The following CARMIL1 variants were observed in gnomAD, a reference collection of about 807,000 sequenced individuals.
The protein encoded by CARMIL1 is F-actin-uncapping protein LRRC16A.
A neutral mutation model predicts 177.1 loss-of-function variants in CARMIL1; 90 were observed. That is an observed-to-expected ratio of 0.51 (90% CI 0.43 to 0.61). The LOEUF (loss-of-function observed/expected upper bound fraction) is 0.61, where lower values mean the gene tolerates loss of function less well. Ranked by LOEUF, CARMIL1 falls within the 20% of genes least tolerant of loss-of-function variation. CARMIL1 has a pLI of 0.00. For synonymous variants in CARMIL1, 577 were observed against 606.2 expected (o/e 0.95, Z 0.71); for missense variants, 1,380 against 1,667.0 (o/e 0.83, Z 3.00).
At chr6:25,435,332 G>A in intron 4 of CARMIL1, 151 bp from the exon 5 acceptor site, 1 of 728,866 alleles carries the variant, frequency 1.4e-6, no homozygotes, top group Non-Finnish European at 2.0e-6. Flanking sequence ...ACGTATGTGA[G>A]ATGTGCTACC....
intron 2 of CARMIL1, among the ~76,000 whole-genome samples, chr6:25,380,772 A>G (rs1232736972): frequency 6.6e-6 from 1 of 152,048 alleles, no homozygotes; most frequent in Non-Finnish European, 1.5e-5. Flanking sequence ...AGGTCATTGG[A>G]AATTTACAAA....
chr6:25,330,170 A>C (rs1475599000), intron 2 of CARMIL1, among the ~76,000 whole-genome samples: 3 of 152,194 alleles, frequency 2.0e-5, no homozygotes, highest in Non-Finnish European at 4.4e-5. Context: ...TGCAGACTTG[A>C]ACAGTACGGT....
At chr6:25,442,761 G>A (rs9467519) in intron 5 of CARMIL1, among the ~76,000 whole-genome samples, 4,920 of 152,130 alleles carry the variant, frequency 0.032, 186 homozygotes, top group African/African-American at 0.095. Flanking sequence ...TAAAGAAGCG[G>A]AGCTACTTGA....
intron 31 of CARMIL1, among the ~76,000 whole-genome samples, chr6:25,592,337 A>G (rs572438515): frequency 4.1e-4 from 63 of 152,382 alleles, no homozygotes; most frequent in Admixed American, 1.8e-3. Context: ...TATTACTGCT[A>G]TAGAGATTCT....
chr6:25,560,434 G>A (rs1024457170), intron 29 of CARMIL1, among the ~76,000 whole-genome samples: 7 of 151,878 alleles, frequency 4.6e-5, no homozygotes, highest in South Asian at 2.1e-4. Context: ...ACTGCAGGGC[G>A]GAAAATTAAA....
chr6:25,595,460 C>T (rs189679306), intron 32 of CARMIL1, among the ~76,000 whole-genome samples: 97 of 152,246 alleles, frequency 6.4e-4, no homozygotes, highest in African/African-American at 2.3e-3. Flanking sequence ...AATCTTATAA[C>T]CTTTAGGACC....
In CARMIL1 at chr6:25,600,266, C is replaced by T. The variant is rs541024022; in HGVS notation, c.3120-48C>T. 765 of 1,505,988 alleles carry T rather than the reference C, an allele frequency of 5.1e-4. 11 individuals are homozygous for T. The South Asian group carries it at 7.8e-3, about 15-fold the overall frequency. The allele number at this position is 1,505,988 out of a possible 1,614,324, so 93.3% of individuals were successfully genotyped here. A position where few individuals can be genotyped will look rare whatever the true frequency, so the allele number is the denominator to read the frequency against. ...ATATTTTGACTGATTCTTGCTGGAA[C>T]TTATTTACAGTAAAAACAACAGATC... On this transcript the variant is annotated intron_variant, in intron 32 of 36. Transcript: ENST00000329474.
chr6:25,366,077 G>A (rs1376663793), intron 2 of CARMIL1, among the ~76,000 whole-genome samples: 1 of 151,786 alleles, frequency 6.6e-6, no homozygotes, highest in Non-Finnish European at 1.5e-5. Flanking sequence ...CAGCTCCCTG[G>A]AACCTCGAAC....
intron 29 of CARMIL1, among the ~76,000 whole-genome samples, chr6:25,567,283 G>A (rs997610239): frequency 6.6e-6 from 1 of 152,146 alleles, no homozygotes; most frequent in Non-Finnish European, 1.5e-5. Context: ...TCGGTGGATA[G>A]TATCTTTATT....
intron 2 of CARMIL1, among the ~76,000 whole-genome samples, chr6:25,419,133 A>C (rs1460743142): frequency 6.6e-6 from 1 of 152,172 alleles, no homozygotes; most frequent in East Asian, 1.9e-4. Context: ...ACTTTGGGTA[A>C]GTCCTTTAAC....
chr6:25,294,360 A>C (rs935337567), intron 2 of CARMIL1, among the ~76,000 whole-genome samples: 4 of 152,180 alleles, frequency 2.6e-5, no homozygotes, highest in Non-Finnish European at 5.9e-5. Flanking sequence ...ACTCTGGGGA[A>C]ATTTATTGAG....
chr6:25,312,732 C>T (rs942857786), intron 2 of CARMIL1, among the ~76,000 whole-genome samples: 1 of 151,058 alleles, frequency 6.6e-6, no homozygotes, highest in African/African-American at 2.4e-5. Context: ...CCATCCCCCC[C>T]ACTTTCAGAT....
chr6:25,423,694 T>C (rs1399299726), intron 3 of CARMIL1, among the ~76,000 whole-genome samples: 1 of 152,134 alleles, frequency 6.6e-6, no homozygotes, highest in Non-Finnish European at 1.5e-5. Context: ...GCTTGTGGGA[T>C]GGGCACTGTC....
At chr6:25,550,104 A>G (rs971982940) in intron 26 of CARMIL1, among the ~76,000 whole-genome samples, 5 of 152,206 alleles carry the variant, frequency 3.3e-5, no homozygotes, top group Non-Finnish European at 5.9e-5. Context: ...ACACTTTCCA[A>G]CCGTATCACC....
chr6:25,362,758 GGCA>G (rs1054221736), intron 2 of CARMIL1, among the ~76,000 whole-genome samples: 1 of 152,202 alleles, frequency 6.6e-6, no homozygotes, highest in African/African-American at 2.4e-5. Flanking sequence ...AATGGGGCTG[GGCA>G]CAGTGGCTCA....
chr6:25,403,305 C>T (rs933998011), intron 2 of CARMIL1, among the ~76,000 whole-genome samples: 3 of 152,152 alleles, frequency 2.0e-5, no homozygotes, highest in African/African-American at 7.2e-5. Flanking sequence ...GTCTGACCAC[C>T]TCTCAGCACT....
At chr6:25,347,629 A>G (rs1787656019) in intron 2 of CARMIL1, among the ~76,000 whole-genome samples, 1 of 152,334 alleles carries the variant, frequency 6.6e-6, no homozygotes, top group Admixed American at 6.5e-5. Context: ...ATTATTTTAG[A>G]TATATGAAAG....
chr6:25,467,321 A>G (rs1233698452), intron 9 of CARMIL1, among the ~76,000 whole-genome samples: 1 of 152,190 alleles, frequency 6.6e-6, no homozygotes, highest in East Asian at 1.9e-4. Context: ...TGAGCCAGCA[A>G]AGAGTACAGG....
intron 8 of CARMIL1, among the ~76,000 whole-genome samples, chr6:25,454,150 A>G (rs1799255724): frequency 6.6e-6 from 1 of 152,228 alleles, no homozygotes; most frequent in Admixed American, 6.5e-5. Context: ...ATCAGTAAAG[A>G]CTGAATTAGT....
Sources: allele counts gnomAD v4.1 joint callset (sites outside exome capture counted in the v4.1 genomes callset), GRCh38; gene constraint gnomAD v4.1.1; transcripts MANE v1.5; gene names NCBI Gene and HGNC (gene_info 2026-07-23, HGNC 2026-07-21).